The following PKD1 variants were observed in gnomAD, a reference collection of about 807,000 sequenced individuals.
PKD1 encodes the protein polycystin 1, transient receptor potential channel interacting.
PKD1 carries 81 observed loss-of-function variants against 361.7 expected under a neutral mutation model. That is an observed-to-expected ratio of 0.22 (90% CI 0.19 to 0.27). PKD1 has a LOEUF of 0.27. Ranked by LOEUF, PKD1 falls within the 10% of genes least tolerant of loss-of-function variation. PKD1 has a pLI of 1.00. For synonymous variants in PKD1, 3,615 were observed against 2,818.3 expected, an observed-to-expected ratio of 1.28 and a Z score of -8.95; for missense variants, 6,399 against 6,118.3, an observed-to-expected ratio of 1.05 and a Z score of -1.53.
rs1186328146 is a variant in PKD1, at chr16:2,103,299, G to A, written c.8758C>T (p.Leu2920=). The A allele has an allele frequency of 3.1e-6, 5 of 1,609,300 alleles. No homozygotes were observed. Among genetic ancestry groups the A allele is most frequent in the Non-Finnish European group, 3.4e-6 (4 of 1,179,670 alleles). ...AGCGTATAGTTGAGCTGCAGATGCA[G>A]CCCGGCCGCAGGGTTGCTGCTGTCC... ...TLDSSNPAAG[L]HLQLNYTLLD... The change falls in exon 23 of 46, where the codon CTG becomes TTG. Residue 2920 remains leucine (L), a synonymous_variant. Coordinates refer to ENST00000262304, the MANE Select transcript of PKD1 (RefSeq NM_001009944.3).
At position 2,105,420 on chromosome 16, in the gene PKD1, C is replaced by A. The variant is rs768100426; in HGVS notation, c.7918G>T (p.Ala2640Ser). The part of the protein sequence containing the change: ...AEPKHERQHR[A>S]QIRKNITETL... ...TCCGTGATGTTCTTGCGTATCTGGGCTCGGTGCTGCCGCTCGTGCTTGGGC... is the reference window on the plus strand; with the variant it reads ...TCCGTGATGTTCTTGCGTATCTGGGATCGGTGCTGCCGCTCGTGCTTGGGC... Residue 2640 changes from alanine (A) to serine (S), a missense_variant, in exon 21 of 46, where the codon GCC becomes TCC. By Grantham distance (99) the Ala-to-Ser change is moderately conservative (BLOSUM62 1). Coordinates refer to ENST00000262304, the MANE Select transcript of PKD1 (RefSeq NM_001009944.3). 211 of 1,585,032 alleles carry A rather than the reference C, an allele frequency of 1.3e-4. 4 individuals carry two copies. The highest frequency in any genetic ancestry group is 2.7e-4 in the East Asian group (12 of 44,886).
At position 2,111,927 on chromosome 16, in the gene PKD1, G is replaced by A. The variant is rs34048412; in HGVS notation, c.3296-56C>T. ...CGGCACCCCCACCTGCTCCCCACCC[G>A]CTCGGCAGAAGCCCCCCGCCTGAGG... is the stretch of plus-strand genomic sequence containing the variant. On this transcript the variant is annotated intron_variant, in intron 14 of 45. Coordinates refer to ENST00000262304, the MANE Select transcript of PKD1 (RefSeq NM_001009944.3). 0.063 allele frequency: 99,815 copies of A among 1,589,648 alleles called. 3,499 individuals carry two copies. Among genetic ancestry groups the A allele is most frequent in the Non-Finnish European group, 0.067 (78,473 of 1,164,936 alleles).
Position 2,110,661 on chromosome 16 carries a change from C to G in PKD1, c.4506G>C (p.Leu1502=). Residue 1502 remains leucine (L), a synonymous_variant, in exon 15 of 46, where the codon CTG becomes CTC. Transcript: ENST00000262304. ...RGRPASYLWD[L]GDGGWLEGPE... is the part of the protein sequence containing the mutation. ...GACCCTCGAGCCACCCACCGTCCCC[C>G]AGATCCCACAGGTAGCTGGCGGGGC... is the stretch of plus-strand genomic sequence containing the variant. 3 of 1,610,216 alleles carry G rather than the reference C, an allele frequency of 1.9e-6. No homozygotes were observed. The South Asian group carries it at 3.3e-5, about 18-fold the overall frequency.
chr16:2,098,424 G>T (rs1218769780), intron 30 of PKD1, among the ~76,000 whole-genome samples: 1 of 150,226 alleles, frequency 6.7e-6, no homozygotes, highest in Non-Finnish European at 1.5e-5. Flanking sequence ...TGGCCAGGCT[G>T]GTCTTGGAAC....
chr16:2,102,984 C>T lies in PKD1; in HGVS notation c.8792-14G>A, dbSNP rs185644351. On this transcript the variant is annotated splice_polypyrimidine_tract_variant and intron_variant, in intron 23 of 45. Transcript: ENST00000262304. Reference sequence around the variant, plus strand: ...ACAGGTAGTGGCCTGGGGCAGAACGCGCAGGTCACACGCCTGCCGGGAAGC... The same window carrying T: ...ACAGGTAGTGGCCTGGGGCAGAACGTGCAGGTCACACGCCTGCCGGGAAGC... 730 of 1,601,288 alleles carry T rather than the reference C, an allele frequency of 4.6e-4. 3 individuals are homozygous for T. The African/African-American group carries it at 7.9e-3, about 17-fold the overall frequency.
rs1251817986 is a variant in PKD1 at position 2,108,389 on chromosome 16, T to A, written c.6778A>T (p.Ile2260Phe). The A allele has an allele frequency of 1.2e-6, 2 of 1,610,432 alleles. No individual in the cohort carries two copies. Among genetic ancestry groups the A allele is most frequent in the Non-Finnish European group, 1.7e-6 (2 of 1,179,748 alleles). Residue 2260 changes from isoleucine (I) to phenylalanine (F), a missense_variant, in exon 15 of 46, where the codon ATT (isoleucine) becomes TTT (phenylalanine). Transcript: ENST00000262304. ...CACACGCGGTATGAGCCACCCTCAA[T>A]GATGGGCACCAGGCGCTCGGGGGCC... Reference protein sequence around the residue: ...TVAPERLVPIIEGGSYRVWSD... With the variant: ...TVAPERLVPIFEGGSYRVWSD...
chr16:2,111,915 T>A (rs2092517642), intron 14 of PKD1, 44 bp from the exon 15 acceptor site: 1 of 1,603,260 alleles, frequency 6.2e-7, no homozygotes, highest in Admixed American at 1.7e-5. Flanking sequence ...CACCCCCACC[T>A]GCTCCCCACC....
chr16:2,115,017 CCG>C, intron 10 of PKD1, 92 bp from the exon 11 acceptor site: 5 of 1,514,770 alleles, frequency 3.3e-6, no homozygotes, highest in Non-Finnish European at 4.4e-6. Flanking sequence ...GCAGGGCTCC[CCG>C]CTTCGTCAGC....
chr16:2,102,753 C>T (rs71385732), intron 24 of PKD1, 61 bp downstream of exon 24: 11 of 1,605,176 alleles, frequency 6.9e-6, no homozygotes, highest in African/African-American at 2.7e-5. Context: ...GGCCAGTAAC[C>T]CAGGCAATGC....
chr16:2,102,302 T>G (rs1294412026), intron 25 of PKD1, 46 bp from the exon 26 acceptor site: 1 of 1,478,602 alleles, frequency 6.8e-7, no homozygotes, highest in Non-Finnish European at 9.2e-7. Context: ...GTGCAAGCTG[T>G]GCCTTCTCAG....
chr16:2,116,257 T>C, intron 8 of PKD1, 139 bp from the exon 9 acceptor site: 1 of 918,414 alleles, frequency 1.1e-6, no homozygotes, highest in Non-Finnish European at 1.7e-6. Context: ...CTCCTGTCGC[T>C]CGAGAGGAAG....
At position 2,110,855 on chromosome 16, in the gene PKD1, G is replaced by A. The variant is rs761863929; in HGVS notation, c.4312C>T (p.Pro1438Ser). The A allele has an allele frequency of 1.7e-5, 28 of 1,611,784 alleles. No individual in the cohort carries two copies. Among genetic ancestry groups the A allele is most frequent in the Middle Eastern group, 1.8e-4 (1 of 5,458 alleles). The change falls in exon 15 of 46, where the codon CCA becomes TCA. Residue 1438 changes from proline to serine, a missense_variant. Pro to Ser is a moderately conservative substitution (Grantham distance 74, BLOSUM62 -1). Coordinates refer to ENST00000262304, the MANE Select transcript of PKD1 (RefSeq NM_001009944.3). ...GPEVTFIYRD[P>S]GSYLVTVTAS... ...GTGACTGTCACAAGATAGGAGCCTG[G>A]GTCTCGGTAGATGAACGTCACCTCA...
rs752457130 is a variant in PKD1, at chr16:2,090,212, G to T, written c.12445-18C>A. The stretch of plus-strand genomic sequence containing the variant: ...TGGCGGAACTGGGGGCGGCACAGGG[G>T]CTCAGTCAGTCCGGCTGCACCCTGG... On this transcript the variant is annotated intron_variant, in intron 45 of 45. Transcript: ENST00000262304. The T allele has an allele frequency of 3.7e-6, 6 of 1,608,218 alleles. 1 individual carries two copies. In the South Asian group the frequency reaches 5.5e-5, roughly 15 times the overall value.
Position 2,107,872 on chromosome 16 carries a change from G to A in PKD1, c.7065+11C>T, listed in dbSNP as rs1223418275. 1.4e-5 allele frequency: 22 copies of A among 1,542,800 alleles called. No homozygotes were observed. Among genetic ancestry groups the A allele is most frequent in the Non-Finnish European group, 1.8e-5 (21 of 1,145,996 alleles). ...TCCAAGGCAAGTGGCCGAGGGGCGG[G>A]CGGCACCCACCGTCTGGTTGGTGGC... is the stretch of plus-strand genomic sequence containing the variant. On this transcript the variant is annotated intron_variant, in intron 16 of 45. Transcript: ENST00000262304.
intron 14 of PKD1, 102 bp from the exon 15 acceptor site, chr16:2,111,973 A>G (rs1282367833): frequency 4.0e-6 from 5 of 1,264,246 alleles, no homozygotes; most frequent in East Asian, 4.9e-5. Context: ...GAACGGCTGC[A>G]CCTGCGGCCC....
At chr16:2,115,060 G>A (rs1471652753) in intron 10 of PKD1, 135 bp from the exon 11 acceptor site, 62 of 1,495,598 alleles carry the variant, frequency 4.1e-5, no homozygotes, top group Non-Finnish European at 5.2e-5. Context: ...CACAGTGCTC[G>A]TGACAAGGAC....
At chr16:2,129,482 T>TCA (rs1157392849) in intron 1 of PKD1, among the ~76,000 whole-genome samples, 5 of 151,264 alleles carry the variant, frequency 3.3e-5, no homozygotes, top group African/African-American at 1.2e-4. Context: ...GACCATCTTC[T>TCA]CACACGCTGT....
At position 2,090,369 on chromosome 16, in the gene PKD1, C is replaced by T. The variant is rs1185124663; in HGVS notation, c.12360G>A (p.Pro4120=). ...YHALRGELYR[P]AWEPQDYEMV... ...TCTCGTAGTCCTGGGGCTCCCAGGC[C>T]GGCCGGTACAGCTCTCCACGCAAGG... The change falls in exon 45 of 46, where the codon CCG becomes CCA. Residue 4120 remains proline (P), a synonymous_variant. Coordinates refer to ENST00000262304, the MANE Select transcript of PKD1 (RefSeq NM_001009944.3). 9 of 1,612,628 alleles carry T rather than the reference C, an allele frequency of 5.6e-6. No individual in the cohort carries two copies. Among genetic ancestry groups the T allele is most frequent in the East Asian group, 2.2e-5 (1 of 44,874 alleles).
rs762168284 is a variant in PKD1, at chr16:2,109,905, C to A, written c.5262G>T (p.Leu1754Phe). The A allele has an allele frequency of 2.5e-6, 4 of 1,610,582 alleles. No individual in the cohort carries two copies. In the East Asian group the frequency reaches 6.7e-5, roughly 27 times the overall value. ...AGGTCTCCCAGCTCAGCCCCTCCTC[C>A]AAGGACCAAGTGTATACGACACCAC... ...GGSGVVYTWSLEEGLSWETSE... is the reference protein window; with the variant it reads ...GGSGVVYTWSFEEGLSWETSE... The change falls in exon 15 of 46, where the codon TTG becomes TTT. Residue 1754 changes from leucine (L) to phenylalanine (F), a missense_variant. By Grantham distance (22) the Leu-to-Phe change is conservative. Transcript: ENST00000262304.
Sources: allele counts gnomAD v4.1 joint callset (sites outside exome capture counted in the v4.1 genomes callset), GRCh38; gene constraint gnomAD v4.1.1; transcripts MANE v1.5; gene names NCBI Gene and HGNC (gene_info 2026-07-23, HGNC 2026-07-21).